The following DPP10 variants were observed in gnomAD, a reference collection of about 807,000 sequenced individuals.
DPP10 encodes the protein dipeptidyl peptidase like 10, also known as inactive dipeptidyl peptidase 10.
In DPP10, 33 loss-of-function variants were observed where a neutral mutation model predicts 120.9. That is an observed-to-expected ratio of 0.27 (90% CI 0.21 to 0.37). The LOEUF is 0.37. DPP10 is among the 10% of genes least tolerant of loss of function. The pLI is 1.00. For missense variants in DPP10, 816 were observed against 942.8 expected (o/e 0.87, Z 1.76); for synonymous variants, 337 against 326.1 (o/e 1.03, Z -0.36).
chr2:115,619,088 A>G (rs1275682316), intron 5 of DPP10, among the ~76,000 whole-genome samples: 1 of 144,714 alleles, frequency 6.9e-6, no homozygotes, highest in Admixed American at 6.9e-5. Flanking sequence ...ATTGAGAGAC[A>G]TTTGTCTCTC....
chr2:114,699,112 A>C (rs1258765365), intron 1 of DPP10, among the ~76,000 whole-genome samples: 1 of 152,134 alleles, frequency 6.6e-6, no homozygotes, highest in Non-Finnish European at 1.5e-5. Flanking sequence ...GCAGGAGGAC[A>C]TGAAACTACA....
intron 1 of DPP10, among the ~76,000 whole-genome samples, chr2:114,957,300 T>C (rs974597342): frequency 6.6e-6 from 1 of 151,902 alleles, no homozygotes; most frequent in Non-Finnish European, 1.5e-5. Flanking sequence ...AGAAGACATA[T>C]ATATTTTGTA....
At chr2:114,563,386 AT>A (rs1407445075) in intron 1 of DPP10, among the ~76,000 whole-genome samples, 14 of 151,956 alleles carry the variant, frequency 9.2e-5, no homozygotes, top group Admixed American at 9.2e-4. Context: ...AAAAAAAAAA[AT>A]TCCAAAACTT....
intron 1 of DPP10, among the ~76,000 whole-genome samples, chr2:115,224,239 C>A (rs941275330): frequency 1.3e-5 from 2 of 151,820 alleles, no homozygotes; most frequent in Non-Finnish European, 2.9e-5. Flanking sequence ...TTCCTGAAAT[C>A]TGAAGGATGA....
chr2:115,162,266 C>T (rs1220867633), intron 1 of DPP10: 1 of 1,556,740 alleles, frequency 6.4e-7, no homozygotes, highest in Non-Finnish European at 8.7e-7. Flanking sequence ...GGGAAGGGGG[C>T]AGAGAGGTAA....
At chr2:115,812,540 C>T (rs936112631) in intron 19 of DPP10, among the ~76,000 whole-genome samples, 2 of 152,180 alleles carry the variant, frequency 1.3e-5, no homozygotes, top group South Asian at 4.1e-4. Context: ...TTCTAGGTTA[C>T]AGCATGGGGA....
intron 8 of DPP10, among the ~76,000 whole-genome samples, chr2:115,731,724 G>A (rs1346443560): frequency 6.6e-6 from 1 of 152,070 alleles, no homozygotes; most frequent in Non-Finnish European, 1.5e-5. Flanking sequence ...ACACGTTTTG[G>A]GACCTAAATT....
At chr2:115,601,228 A>C (rs2083301250) in intron 5 of DPP10, among the ~76,000 whole-genome samples, 1 of 152,250 alleles carries the variant, frequency 6.6e-6, no homozygotes, top group South Asian at 2.1e-4. Flanking sequence ...AATTTATTTA[A>C]GTAAGCGTGA....
intron 1 of DPP10, among the ~76,000 whole-genome samples, chr2:114,838,419 C>G (rs371638642): frequency 7.9e-5 from 12 of 151,952 alleles, no homozygotes; most frequent in African/African-American, 2.9e-4. Context: ...ATTTGAGCGA[C>G]CCTCCCACCT....
intron 1 of DPP10, among the ~76,000 whole-genome samples, chr2:114,878,364 T>A (rs988420643): frequency 1.3e-5 from 2 of 152,212 alleles, no homozygotes; most frequent in Admixed American, 1.3e-4. Flanking sequence ...GCATACAAAG[T>A]GTAATAATCA....
intron 7 of DPP10, among the ~76,000 whole-genome samples, chr2:115,694,989 T>C (rs1159559308): frequency 3.3e-5 from 5 of 152,200 alleles, no homozygotes; most frequent in African/African-American, 1.2e-4. Flanking sequence ...GGAAGGCAGC[T>C]ATTGTTTCAC....
At chr2:115,483,703 T>C (rs1187990308) in intron 3 of DPP10, among the ~76,000 whole-genome samples, 2 of 152,134 alleles carry the variant, frequency 1.3e-5, no homozygotes, top group East Asian at 3.9e-4. Flanking sequence ...CACTGATTGA[T>C]GTTAAGTTGT....
chr2:114,890,832 C>T (rs551001311), intron 1 of DPP10, among the ~76,000 whole-genome samples: 1 of 152,100 alleles, frequency 6.6e-6, no homozygotes, highest in African/African-American at 2.4e-5. Flanking sequence ...AATGCTGTCG[C>T]TCTACATAGG....
intron 1 of DPP10, among the ~76,000 whole-genome samples, chr2:114,659,299 G>A (rs1410903776): frequency 6.6e-5 from 10 of 151,792 alleles, no homozygotes; most frequent in South Asian, 2.1e-4. Context: ...AGAAGAGGCC[G>A]TGGATAATTT....
intron 5 of DPP10, among the ~76,000 whole-genome samples, chr2:115,656,402 G>A (rs1191555003): frequency 6.6e-6 from 1 of 151,400 alleles, no homozygotes; most frequent in African/African-American, 2.4e-5. Flanking sequence ...TATTCTGAGA[G>A]ATAAAAAGCT....
At position 115,346,697 on chromosome 2, in the gene DPP10, T is replaced by C. The variant is rs891301981; in HGVS notation, c.271+2785T>C. Among the ~76,000 whole-genome samples the C allele has an allele frequency of 2.6e-5, 4 of 152,208 alleles. No homozygotes were observed. In the East Asian group the frequency reaches 7.7e-4, roughly 29 times the overall value. ...CCACACACATTTGATAATCAATTAA[T>C]CACCAAAGAAAGATCTAACATTGAG... On this transcript the variant is annotated intron_variant, in intron 3 of 25. Transcript: ENST00000410059.
intron 5 of DPP10, among the ~76,000 whole-genome samples, chr2:115,664,295 AC>A (rs1487503911): frequency 1.3e-5 from 2 of 151,988 alleles, no homozygotes; most frequent in Non-Finnish European, 2.9e-5. Context: ...ACAAATAATT[AC>A]CAATGTTATA....
At chr2:115,230,878 T>G (rs2057704345) in intron 1 of DPP10, among the ~76,000 whole-genome samples, 1 of 151,932 alleles carries the variant, frequency 6.6e-6, no homozygotes, top group African/African-American at 2.4e-5. Context: ...AATATCAATC[T>G]CAAAGATTGA....
rs572626848 is a variant in DPP10 at position 114,771,437 on chromosome 2, C to T, written c.60+328599C>T. Reference sequence around the variant, plus strand: ...CAGATTCATCATCTGCTTCCTGATTCGGCAACGAGCATCACCTGTTACCTG... The same window carrying T: ...CAGATTCATCATCTGCTTCCTGATTTGGCAACGAGCATCACCTGTTACCTG... On this transcript the variant is annotated intron_variant, in intron 1 of 25. Transcript: ENST00000410059. 4.5e-4 allele frequency among the ~76,000 whole-genome samples: 68 copies of T among 152,292 alleles called. No homozygotes were observed. The Middle Eastern group carries it at 0.017, about 38-fold the overall frequency.
Sources: gnomAD v4.1 joint callset for allele counts (sites outside exome capture counted in the v4.1 genomes callset) on GRCh38, gnomAD v4.1.1 for gene constraint, MANE v1.5 for transcripts, NCBI Gene and HGNC (gene_info 2026-07-23, HGNC 2026-07-21) for gene names.